DNAH17: variants seen among roughly 807,000 people sequenced by gnomAD.
DNAH17 encodes the protein dynein axonemal heavy chain 17.
DNAH17 carries 376 observed loss-of-function variants against 485.6 expected under a neutral mutation model. The ratio of observed to expected loss-of-function variants is 0.77; its 90% confidence interval spans 0.71 to 0.84. The LOEUF (loss-of-function observed/expected upper bound fraction) is 0.84, where lower values mean the gene tolerates loss of function less well. DNAH17 is among the 40% of genes least tolerant of loss of function. The pLI, the probability that DNAH17 is intolerant of heterozygous loss-of-function variation, is 0.00. For missense variants in DNAH17, 6,370 were observed against 5,839.3 expected, an observed-to-expected ratio of 1.09 and a Z score of -2.96; for synonymous variants, 3,031 against 2,405.9, an observed-to-expected ratio of 1.26 and a Z score of -7.60.
At chr17:78,435,967 TCA>T (rs557526699) in intron 74 of DNAH17, among the ~76,000 whole-genome samples, 38 of 152,356 alleles carry the variant, frequency 2.5e-4, no homozygotes, top group African/African-American at 8.9e-4. Flanking sequence ...TCTTTTACTT[TCA>T]CACTTTGACA....
chr17:78,511,050 G>T (rs952609757), intron 26 of DNAH17, among the ~76,000 whole-genome samples: 5 of 152,208 alleles, frequency 3.3e-5, no homozygotes, highest in Non-Finnish European at 7.3e-5. Context: ...CCTCTAGAAG[G>T]AGTGCAGCCT....
rs117280605 is a variant in DNAH17 at position 78,474,986 on chromosome 17, C to T, written c.8511+292G>A. 2.4e-4 allele frequency among the ~76,000 whole-genome samples: 34 copies of T among 143,088 alleles called. No homozygotes were observed. In the East Asian group the frequency reaches 6.3e-3, roughly 26 times the overall value. The allele number at this position is 143,088 out of a possible 152,430, so 93.9% of individuals were successfully genotyped here. The stretch of plus-strand genomic sequence containing the variant: ...GTCACATGGGCTGGAAGGTTTCACA[C>T]GCTTCACCTCAGTCACATGGACATG... On this transcript the variant is annotated intron_variant, in intron 54 of 80. Transcript: ENST00000389840.
At chr17:78,566,842 G>A (rs905383539) in intron 10 of DNAH17, 112 bp from the exon 11 acceptor site, 12 of 1,295,078 alleles carry the variant, frequency 9.3e-6, no homozygotes, top group Middle Eastern at 1.9e-4. Context: ...GCAGCTGAAT[G>A]TGCTGTTGCG....
Position 78,441,219 on chromosome 17 carries a change from G to A in DNAH17, c.11529-20C>T. Reference sequence around the variant, plus strand: ...AAGTTCCTAGGGGTGGAGTGCATCAGAGGCAGCGGAACCTGAGGCTCTGGG... The same window carrying A: ...AAGTTCCTAGGGGTGGAGTGCATCAAAGGCAGCGGAACCTGAGGCTCTGGG... On this transcript the variant is annotated intron_variant, in intron 71 of 80. Coordinates refer to ENST00000389840, the MANE Select transcript of DNAH17 (RefSeq NM_173628.4). 1 of 1,613,040 alleles carries A rather than the reference G, an allele frequency of 6.2e-7. No individual in the cohort carries two copies. The highest frequency in any genetic ancestry group is 8.5e-7 in the Non-Finnish European group (1 of 1,179,552).
intron 19 of DNAH17, among the ~76,000 whole-genome samples, chr17:78,533,582 A>G (rs2091296682): frequency 6.6e-6 from 1 of 152,360 alleles, no homozygotes; most frequent in Non-Finnish European, 1.5e-5. Context: ...AAACTGGTTA[A>G]GCAAAGAGAG....
chr17:78,452,553 C>A (rs898388717), intron 65 of DNAH17, among the ~76,000 whole-genome samples: 3 of 152,194 alleles, frequency 2.0e-5, no homozygotes, highest in Non-Finnish European at 4.4e-5. Context: ...TCCTGGCCAA[C>A]ATGGGGAAAC....
rs895216824 is a variant in DNAH17 at position 78,529,360 on chromosome 17, G to A, written c.3507+112C>T. The A allele has an allele frequency of 6.7e-6, 7 of 1,045,280 alleles. No homozygotes were observed. In the African/African-American group the frequency reaches 7.9e-5, roughly 12 times the overall value. The allele number at this position is 1,045,280 out of a possible 1,614,324, so 64.8% of individuals were successfully genotyped here. A position where few individuals can be genotyped will look rare whatever the true frequency, so the allele number is the denominator to read the frequency against. Reference sequence around the variant, plus strand: ...TCCATGGGGATCTGATGTCCAGAGAGGATCTAGCCCACAGCATCCCCCATG... The same window carrying A: ...TCCATGGGGATCTGATGTCCAGAGAAGATCTAGCCCACAGCATCCCCCATG... On this transcript the variant is annotated intron_variant, in intron 22 of 80. Transcript: ENST00000389840.
chr17:78,456,345 G>A (rs752264938), intron 62 of DNAH17, among the ~76,000 whole-genome samples: 2 of 152,064 alleles, frequency 1.3e-5, no homozygotes, highest in African/African-American at 4.8e-5. Context: ...AAACTCCTTG[G>A]CAGCCCTTAG....
intron 25 of DNAH17, among the ~76,000 whole-genome samples, chr17:78,523,764 A>G (rs1010335657): frequency 3.3e-5 from 5 of 152,214 alleles, no homozygotes; most frequent in African/African-American, 9.6e-5. Context: ...AAAATTAGCT[A>G]GACGTAGTGG....
intron 71 of DNAH17, 68 bp downstream of exon 71, chr17:78,444,536 C>A (rs2087199394): frequency 2.1e-6 from 3 of 1,441,516 alleles, no homozygotes; most frequent in South Asian, 1.4e-5. Flanking sequence ...TCTAGCACAG[C>A]CGCTCGGTCA....
intron 16 of DNAH17, among the ~76,000 whole-genome samples, chr17:78,550,416 G>GAA (rs1555692141): frequency 6.6e-6 from 1 of 152,266 alleles, no homozygotes. Flanking sequence ...TAGGGGCCCT[G>GAA]ACACCCATAC....
Position 78,462,986 on chromosome 17 carries a change from C to T in DNAH17, c.9032G>A (p.Arg3011His), listed in dbSNP as rs1410672078. Residue 3011 changes from arginine to histidine, a missense_variant, in exon 57 of 81, where the codon CGC becomes CAC. Physicochemically the swap from Arg to His is conservative, Grantham distance 29 (BLOSUM62 0). Coordinates refer to ENST00000389840, the MANE Select transcript of DNAH17 (RefSeq NM_173628.4). The stretch of plus-strand genomic sequence containing the variant: ...GGTTTTGGGTGTGGTGTAGTTGTAG[C>T]GCCTCTCAGTAGCCAGGTATACCCT... ...MSRVYLATER[R>H]YNYTTPKTFL... 2 of 1,613,942 alleles carry T rather than the reference C, an allele frequency of 1.2e-6. No homozygotes were observed. Among genetic ancestry groups the T allele is most frequent in the South Asian group, 2.2e-5 (2 of 91,068 alleles).
intron 9 of DNAH17, among the ~76,000 whole-genome samples, chr17:78,567,802 C>T (rs370054737): frequency 6.6e-6 from 1 of 152,170 alleles, no homozygotes; most frequent in African/African-American, 2.4e-5. Flanking sequence ...TTGCTTTAGT[C>T]ACGTTCAGGC....
chr17:78,561,908 T>C lies in DNAH17; in HGVS notation c.1642A>G (p.Met548Val), dbSNP rs1466451808. 1 of 1,613,732 alleles carries C rather than the reference T, an allele frequency of 6.2e-7. No individual in the cohort carries two copies. The highest frequency in any genetic ancestry group is 1.7e-5 in the Admixed American group (1 of 60,026). ...AGCTCAGCGTCAAACAGCTCCAGCA[T>C]GACTGAATACCTGGGCGCCACCTCG... ...LAEVAPRYSV[M>V]LELFDAELDN... Residue 548 changes from methionine (M) to valine (V), a missense_variant, in exon 12 of 81, where the codon ATG becomes GTG. Transcript: ENST00000389840.
chr17:78,549,644 G>A (rs748597416), intron 16 of DNAH17, among the ~76,000 whole-genome samples: 1 of 152,192 alleles, frequency 6.6e-6, no homozygotes, highest in Non-Finnish European at 1.5e-5. Context: ...TCAGGTAAAG[G>A]GGGGTTTATG....
intron 48 of DNAH17, among the ~76,000 whole-genome samples, chr17:78,481,944 G>A (rs2146627426): frequency 6.6e-6 from 1 of 152,216 alleles, no homozygotes; most frequent in Non-Finnish European, 1.5e-5. Flanking sequence ...GAACCTGGGA[G>A]GTGGAGGCTG....
At chr17:78,539,929 C>T in intron 17 of DNAH17, 49 bp from the exon 18 acceptor site, 1 of 1,510,130 alleles carries the variant, frequency 6.6e-7, no homozygotes, top group Non-Finnish European at 8.9e-7. Flanking sequence ...GCTGTGCTTG[C>T]TCTTTGATCA....
intron 54 of DNAH17, among the ~76,000 whole-genome samples, chr17:78,474,263 C>CA (rs2088905869): frequency 6.6e-6 from 1 of 152,262 alleles, no homozygotes; most frequent in African/African-American, 2.4e-5. Flanking sequence ...GTCCTGGCCC[C>CA]ACAACAGCGG....
chr17:78,473,849 G>A lies in DNAH17; in HGVS notation c.8511+1429C>T, dbSNP rs531781765. On this transcript the variant is annotated intron_variant, in intron 54 of 80. Coordinates refer to ENST00000389840, the MANE Select transcript of DNAH17 (RefSeq NM_173628.4). ...GCTCAGTAAAACCATACGGCTCCAG[G>A]TTCAAATGACACTTGAGTGGCCGCA... Among the ~76,000 whole-genome samples, 4 of 152,292 alleles carry A rather than the reference G, an allele frequency of 2.6e-5. No individual in the cohort carries two copies. In the East Asian group the frequency reaches 5.8e-4, roughly 22 times the overall value.
Sources: gnomAD v4.1 joint callset for allele counts (sites outside exome capture counted in the v4.1 genomes callset) on GRCh38, gnomAD v4.1.1 for gene constraint, MANE v1.5 for transcripts, NCBI Gene and HGNC (gene_info 2026-07-23, HGNC 2026-07-21) for gene names.